MYL12B: variants seen among roughly 807,000 people sequenced by gnomAD.
MYL12B encodes myosin light chain 12B.
MYL12B carries 3 observed loss-of-function variants against 12.9 expected under a neutral mutation model. The ratio of observed to expected loss-of-function variants is 0.23; its 90% CI spans 0.11 to 0.60. The LOEUF is 0.60. MYL12B is among the 20% of genes least tolerant of loss of function. MYL12B has a pLI of 0.89. For missense variants in MYL12B, 120 were observed against 215.4 expected (o/e 0.56, Z 2.77); for synonymous variants, 57 against 71.9 (o/e 0.79, Z 1.05).
intron 1 of MYL12B, among the ~76,000 whole-genome samples, chr18:3,264,496 G>C (rs556097906): frequency 7.9e-5 from 12 of 152,168 alleles, no homozygotes; most frequent in African/African-American, 2.6e-4. Context: ...TTGAAGCCAG[G>C]GGTTCAAGAC....
chr18:3,276,693 G>A (rs996394083), intron 2 of MYL12B: 39 of 440,276 alleles, frequency 8.9e-5, no homozygotes, highest in African/African-American at 7.9e-4. Flanking sequence ...AGATTTTTTT[G>A]TATGACTGGT....
intron 1 of MYL12B, among the ~76,000 whole-genome samples, chr18:3,265,049 G>A: frequency 6.6e-6 from 1 of 152,094 alleles, no homozygotes; most frequent in Non-Finnish European, 1.5e-5. Flanking sequence ...AGAAAGAAAT[G>A]TCATTGTTAT....
intron 2 of MYL12B, among the ~76,000 whole-genome samples, chr18:3,275,320 G>C (rs1168312004): frequency 6.6e-6 from 1 of 152,084 alleles, no homozygotes; most frequent in Non-Finnish European, 1.5e-5. Flanking sequence ...AGACTGGGAA[G>C]GGCAGGGAGA....
intron 1 of MYL12B, among the ~76,000 whole-genome samples, chr18:3,264,290 A>G (rs1166157750): frequency 6.6e-6 from 1 of 152,172 alleles, no homozygotes; most frequent in African/African-American, 2.4e-5. Context: ...TGTGTATACT[A>G]TACATATATT....
intron 1 of MYL12B, among the ~76,000 whole-genome samples, chr18:3,271,872 C>T (rs974852093): frequency 2.0e-5 from 3 of 151,484 alleles, no homozygotes; most frequent in Admixed American, 2.0e-4. Context: ...GAAGCTACTA[C>T]CAAAGCCATA....
At chr18:3,263,508 G>C (rs1028733209) in intron 1 of MYL12B, among the ~76,000 whole-genome samples, 5 of 152,162 alleles carry the variant, frequency 3.3e-5, no homozygotes, top group African/African-American at 1.2e-4. Context: ...TTTTATGATG[G>C]CTGACTCGAT....
At position 3,278,020 on chromosome 18, in the gene MYL12B, G is replaced by A; in HGVS notation, c.*83G>A. The A allele has an allele frequency of 6.7e-7, 1 of 1,500,546 alleles. No individual in the cohort carries two copies. Among genetic ancestry groups the A allele is most frequent in the South Asian group, 1.2e-5 (1 of 80,138 alleles). The allele number at this position is 1,500,546 out of a possible 1,614,324, so 93.0% of individuals were successfully genotyped here. A position where few individuals can be genotyped will look rare whatever the true frequency, so the allele number is the denominator to read the frequency against. On this transcript the variant is annotated 3_prime_UTR_variant, in exon 4 of 4. Coordinates refer to ENST00000237500, the MANE Select transcript of MYL12B (RefSeq NM_033546.4). ...CACTTCCCCCACCCTCATAGAACCTGTTGCATGCAACTTAGTTTCACAGCT... is the reference window on the plus strand; with the variant it reads ...CACTTCCCCCACCCTCATAGAACCTATTGCATGCAACTTAGTTTCACAGCT...
At chr18:3,273,504 TGAA>T (rs1191819207) in intron 2 of MYL12B, among the ~76,000 whole-genome samples, 3 of 151,474 alleles carry the variant, frequency 2.0e-5, no homozygotes, top group Admixed American at 6.6e-5. Context: ...GGGAACACAG[TGAA>T]GAAGACTTTC....
rs2081748277 is a variant in MYL12B, at chr18:3,278,004, C to T, written c.*67C>T. On this transcript the variant is annotated 3_prime_UTR_variant, in exon 4 of 4. Transcript: ENST00000237500. ...TCTTTTACTTCTCAGACACTTCCCCCACCCTCATAGAACCTGTTGCATGCA... is the reference window on the plus strand; with the variant it reads ...TCTTTTACTTCTCAGACACTTCCCCTACCCTCATAGAACCTGTTGCATGCA... 6.4e-7 allele frequency: 1 copy of T among 1,555,720 alleles called. No homozygotes were observed. The highest frequency in any genetic ancestry group is 8.7e-7 in the Non-Finnish European group (1 of 1,147,272).
chr18:3,276,934 A>AG, intron 2 of MYL12B: 1 of 983,600 alleles, frequency 1.0e-6, no homozygotes, highest in Non-Finnish European at 1.2e-6. Context: ...AAAAAAAAAA[A>AG]AAAAAATTAA....
At chr18:3,269,214 AAAG>A (rs2081657864) in intron 1 of MYL12B, among the ~76,000 whole-genome samples, 1 of 152,222 alleles carries the variant, frequency 6.6e-6, no homozygotes, top group East Asian at 1.9e-4. Flanking sequence ...GTGGAGAGCC[AAAG>A]AAGATTTTAA....
intron 1 of MYL12B, chr18:3,271,902 G>C (rs1173838708): frequency 5.4e-6 from 1 of 185,514 alleles, no homozygotes; most frequent in Admixed American, 6.6e-5. Context: ...ATGGAGGAAT[G>C]ATTGGGAAGA....
At chr18:3,262,883 T>A (rs951529867) in intron 1 of MYL12B, 2 of 152,284 alleles carry the variant, frequency 1.3e-5, no homozygotes, top group African/African-American at 2.4e-5. Flanking sequence ...AAGGTTTAGT[T>A]TATTCGTGTT....
chr18:3,268,512 A>G (rs1025019369), intron 1 of MYL12B, among the ~76,000 whole-genome samples: 1 of 152,222 alleles, frequency 6.6e-6, no homozygotes, highest in Non-Finnish European at 1.5e-5. Flanking sequence ...AACCAGGGCT[A>G]CTACACTGCA....
At chr18:3,269,019 C>G (rs897758230) in intron 1 of MYL12B, among the ~76,000 whole-genome samples, 11 of 151,978 alleles carry the variant, frequency 7.2e-5, no homozygotes, top group Admixed American at 7.2e-4. Flanking sequence ...GGAAAAATAG[C>G]AGGAACAAAG....
intron 2 of MYL12B, among the ~76,000 whole-genome samples, chr18:3,273,418 G>C (rs2144362323): frequency 6.6e-6 from 1 of 152,280 alleles, no homozygotes; most frequent in Non-Finnish European, 1.5e-5. Flanking sequence ...TAAAGGTTGA[G>C]TACAGGTTAT....
At chr18:3,277,105 A>G (rs2144367274) in intron 2 of MYL12B, 148 bp from the exon 3 acceptor site, 2 of 1,249,720 alleles carry the variant, frequency 1.6e-6, no homozygotes, top group East Asian at 5.9e-5. Flanking sequence ...GTCAAAAATA[A>G]TCTTTTTAAA....
intron 3 of MYL12B, 106 bp downstream of exon 3, chr18:3,277,520 A>C: frequency 6.7e-7 from 1 of 1,498,568 alleles, no homozygotes; most frequent in South Asian, 1.4e-5. Context: ...TTTGCTTAAG[A>C]ATAATTTTGT....
At chr18:3,269,642 C>CT in intron 1 of MYL12B, among the ~76,000 whole-genome samples, 1 of 152,132 alleles carries the variant, frequency 6.6e-6, no homozygotes, top group Non-Finnish European at 1.5e-5. Context: ...AAGGTCAGGC[C>CT]TGGAGGTTCG....
Sources: gnomAD v4.1 joint callset for allele counts (sites outside exome capture counted in the v4.1 genomes callset) on GRCh38, gnomAD v4.1.1 for gene constraint, MANE v1.5 for transcripts, NCBI Gene and HGNC (gene_info 2026-07-23, HGNC 2026-07-21) for gene names.